The following GALNTL6 variants were observed in gnomAD, a reference collection of about 807,000 sequenced individuals.
The protein encoded by GALNTL6 is polypeptide N-acetylgalactosaminyltransferase like 6.
A neutral mutation model predicts 73.7 loss-of-function variants in GALNTL6; 46 were observed. The ratio of observed to expected loss-of-function variants is 0.62; its 90% CI spans 0.49 to 0.80. GALNTL6 has a LOEUF of 0.80. GALNTL6 is among the 30% of genes least tolerant of loss of function. The pLI is 0.00. For synonymous variants in GALNTL6, 259 were observed against 263.7 expected, an observed-to-expected ratio of 0.98 and a Z score of 0.17; for missense variants, 604 against 755.0, an observed-to-expected ratio of 0.80 and a Z score of 2.34.
chr4:172,921,405 T>C (rs146407411), intron 8 of GALNTL6, among the ~76,000 whole-genome samples: 2 of 152,224 alleles, frequency 1.3e-5, no homozygotes, highest in African/African-American at 4.8e-5. Context: ...ACATTCTCTA[T>C]GTCCAAATTT....
intron 2 of GALNTL6, among the ~76,000 whole-genome samples, chr4:172,128,155 G>C (rs1053657224): frequency 6.6e-6 from 1 of 152,052 alleles, no homozygotes; most frequent in South Asian, 2.1e-4. Context: ...AAAATGTACA[G>C]TGACAATTCT....
chr4:172,891,793 T>A (rs974415783), intron 8 of GALNTL6, among the ~76,000 whole-genome samples: 2 of 152,244 alleles, frequency 1.3e-5, no homozygotes, highest in Non-Finnish European at 2.9e-5. Flanking sequence ...AGGCTTTGTC[T>A]CTTTATGTAA....
intron 2 of GALNTL6, among the ~76,000 whole-genome samples, chr4:172,136,294 A>T (rs1448382637): frequency 6.6e-6 from 1 of 152,126 alleles, no homozygotes; most frequent in Non-Finnish European, 1.5e-5. Context: ...TCTAGATCAC[A>T]TTGAAAAATG....
At chr4:172,271,908 T>C (rs986685848) in intron 3 of GALNTL6, among the ~76,000 whole-genome samples, 1 of 151,774 alleles carries the variant, frequency 6.6e-6, no homozygotes, top group African/African-American at 2.4e-5. Flanking sequence ...GTTTGCTTTT[T>C]TGAAATATTA....
In GALNTL6 at chr4:171,879,267, T is replaced by A. The variant is rs570893682; in HGVS notation, c.138+64549T>A. 5.9e-5 allele frequency among the ~76,000 whole-genome samples: 9 copies of A among 152,260 alleles called. No homozygotes were observed. In the East Asian group the frequency reaches 1.7e-3, roughly 29 times the overall value. On this transcript the variant is annotated intron_variant, in intron 2 of 12. Transcript: ENST00000506823. The stretch of plus-strand genomic sequence containing the variant: ...TAGGTATGTTATGTTAATTTTCCCA[T>A]AGAAAAACTGAAGTGAAAGAAAAAG...
At chr4:172,904,038 C>T (rs1371500480) in intron 8 of GALNTL6, among the ~76,000 whole-genome samples, 1 of 152,192 alleles carries the variant, frequency 6.6e-6, no homozygotes, top group Non-Finnish European at 1.5e-5. Context: ...TCCTTCCAAA[C>T]TCTTCAAATT....
chr4:171,987,814 GA>G (rs1290414025), intron 2 of GALNTL6, among the ~76,000 whole-genome samples: 2 of 152,130 alleles, frequency 1.3e-5, no homozygotes, highest in Non-Finnish European at 2.9e-5. Flanking sequence ...TGAGGAACAG[GA>G]AAGAAGGAAA....
At chr4:172,021,311 A>G (rs1579065856) in intron 2 of GALNTL6, among the ~76,000 whole-genome samples, 1 of 152,016 alleles carries the variant, frequency 6.6e-6, no homozygotes, top group Non-Finnish European at 1.5e-5. Flanking sequence ...ATAATAAAGG[A>G]CATCCGAATT....
intron 2 of GALNTL6, among the ~76,000 whole-genome samples, chr4:171,996,110 T>G (rs1740476725): frequency 6.6e-6 from 1 of 152,138 alleles, no homozygotes; most frequent in Non-Finnish European, 1.5e-5. Flanking sequence ...CCCATATTCT[T>G]GAATCCGTAC....
intron 8 of GALNTL6, among the ~76,000 whole-genome samples, chr4:172,896,406 T>A (rs1426235274): frequency 6.6e-6 from 1 of 152,178 alleles, no homozygotes; most frequent in African/African-American, 2.4e-5. Flanking sequence ...CAGGTTGATG[T>A]GGTTTCTCAG....
chr4:172,629,584 A>C (rs1739307430), intron 5 of GALNTL6, among the ~76,000 whole-genome samples: 1 of 152,338 alleles, frequency 6.6e-6, no homozygotes, highest in Admixed American at 6.5e-5. Flanking sequence ...AAAGTACAAA[A>C]TTTAAAATTC....
At chr4:172,458,556 A>G (rs1732492662) in intron 5 of GALNTL6, among the ~76,000 whole-genome samples, 1 of 152,178 alleles carries the variant, frequency 6.6e-6, no homozygotes, top group Non-Finnish European at 1.5e-5. Flanking sequence ...CTGATCCCAC[A>G]GAAATACAAA....
intron 2 of GALNTL6, among the ~76,000 whole-genome samples, chr4:172,054,502 C>G (rs1256835740): frequency 6.6e-6 from 1 of 152,114 alleles, no homozygotes; most frequent in Non-Finnish European, 1.5e-5. Context: ...AGGCTTCCAG[C>G]AGGTTCAATA....
At chr4:172,929,532 G>A (rs1561039405) in intron 8 of GALNTL6, among the ~76,000 whole-genome samples, 2 of 152,120 alleles carry the variant, frequency 1.3e-5, no homozygotes, top group Non-Finnish European at 2.9e-5. Flanking sequence ...TGGGCAAGCT[G>A]GAGACTCAGG....
chr4:172,387,955 C>A (rs1743529986), intron 5 of GALNTL6, among the ~76,000 whole-genome samples: 1 of 152,060 alleles, frequency 6.6e-6, no homozygotes, highest in Non-Finnish European at 1.5e-5. Flanking sequence ...AAATACATTT[C>A]CACTCCACAA....
At chr4:172,887,424 T>C (rs1745778070) in intron 8 of GALNTL6, among the ~76,000 whole-genome samples, 1 of 152,132 alleles carries the variant, frequency 6.6e-6, no homozygotes, top group Non-Finnish European at 1.5e-5. Context: ...TTTATTTCTT[T>C]GAGGAGTCTC....
chr4:173,023,347 T>G (rs572916108), intron 12 of GALNTL6, among the ~76,000 whole-genome samples: 1 of 152,274 alleles, frequency 6.6e-6, no homozygotes, highest in South Asian at 2.1e-4. Context: ...GTTGTGGCTG[T>G]GTCTAGCAAA....
At chr4:172,034,207 CCT>C (rs1239026280) in intron 2 of GALNTL6, among the ~76,000 whole-genome samples, 1 of 152,066 alleles carries the variant, frequency 6.6e-6, no homozygotes, top group Admixed American at 6.6e-5. Flanking sequence ...ACTAACCTCC[CCT>C]GTGCCTGAGT....
chr4:172,169,708 A>G (rs1435298258), intron 2 of GALNTL6, among the ~76,000 whole-genome samples: 1 of 152,144 alleles, frequency 6.6e-6, no homozygotes, highest in African/African-American at 2.4e-5. Context: ...GATGTAACTA[A>G]ATGTTGGGGC....
Sources: allele counts gnomAD v4.1 joint callset (sites outside exome capture counted in the v4.1 genomes callset), GRCh38; gene constraint gnomAD v4.1.1; transcripts MANE v1.5; gene names NCBI Gene and HGNC (gene_info 2026-07-23, HGNC 2026-07-21).